CDH20: variants seen among roughly 807,000 people sequenced by gnomAD.
CDH20 encodes cadherin 20, also known as cadherin-20.
CDH20 carries 29 observed loss-of-function variants against 74.2 expected under a neutral mutation model. The ratio of observed to expected loss-of-function variants is 0.39; its 90% CI spans 0.29 to 0.53. CDH20 has a LOEUF of 0.53. Ranked by LOEUF, CDH20 falls within the 20% of genes least tolerant of loss-of-function variation. The pLI is 0.69. For missense variants in CDH20, 988 were observed against 1,048.3 expected (o/e 0.94, Z 0.79); for synonymous variants, 469 against 405.4 (o/e 1.16, Z -1.88).
At chr18:61,446,165 A>G (rs73449405) in intron 1 of CDH20, among the ~76,000 whole-genome samples, 2,357 of 152,326 alleles carry the variant, frequency 0.015, 62 homozygotes, top group African/African-American at 0.053. Flanking sequence ...GGAGAAGGAA[A>G]TTACACTATA....
Position 61,503,111 on chromosome 18 carries a change from T to C in CDH20, c.820T>C (p.Phe274Leu). 1 of 1,607,502 alleles carries C rather than the reference T, an allele frequency of 6.2e-7. No individual in the cohort carries two copies. The highest frequency in any genetic ancestry group is 8.5e-7 in the Non-Finnish European group (1 of 1,176,890). The change falls in exon 5 of 12, where the codon TTT becomes CTT. Residue 274 changes from phenylalanine (F) to leucine (L), a missense_variant. Around this residue, in one of 2 missense-constraint regions of CDH20, gnomAD observed 613 missense variants for 755.2 expected, o/e 0.81. Transcript: ENST00000262717. ...AGATGTCAATGATAACCCACCCCGCTTTCCCCAGAGTGAGTACCTAACCCA... is the reference window on the plus strand; with the variant it reads ...AGATGTCAATGATAACCCACCCCGCCTTCCCCAGAGTGAGTACCTAACCCA... ...LSDVNDNPPR[F>L]PQKHYQMSVL...
At chr18:61,471,620 G>A (rs560481804) in intron 1 of CDH20, among the ~76,000 whole-genome samples, 11 of 152,262 alleles carry the variant, frequency 7.2e-5, no homozygotes, top group South Asian at 6.2e-4. Context: ...AACTCCACAC[G>A]TAGAAGCAAA....
chr18:61,379,038 T>C (rs1167142071), intron 1 of CDH20, among the ~76,000 whole-genome samples: 1 of 152,104 alleles, frequency 6.6e-6, no homozygotes, highest in Admixed American at 6.6e-5. Context: ...AAATATGATA[T>C]AAAAATAAAA....
chr18:61,334,036 G>A (rs1490683208), intron 1 of CDH20, among the ~76,000 whole-genome samples: 2 of 152,182 alleles, frequency 1.3e-5, no homozygotes, highest in Non-Finnish European at 2.9e-5. Flanking sequence ...GTTGGAAATG[G>A]GCTGCCGGGA....
At chr18:61,420,063 A>G (rs1465267293) in intron 1 of CDH20, among the ~76,000 whole-genome samples, 2 of 152,160 alleles carry the variant, frequency 1.3e-5, no homozygotes, top group Non-Finnish European at 2.9e-5. Context: ...TTTGGTAGTG[A>G]CCTCACAATA....
chr18:61,510,367 C>T (rs1209177926), intron 6 of CDH20, among the ~76,000 whole-genome samples: 1 of 152,164 alleles, frequency 6.6e-6, no homozygotes, highest in Non-Finnish European at 1.5e-5. Flanking sequence ...ATGGAGTGAT[C>T]ACCTGTGACA....
intron 1 of CDH20, among the ~76,000 whole-genome samples, chr18:61,463,010 T>C (rs1219377259): frequency 2.6e-5 from 4 of 152,238 alleles, no homozygotes; most frequent in African/African-American, 9.6e-5. Context: ...ATTCAACATA[T>C]TGTAGTAAAC....
chr18:61,504,808 C>G (rs977197190), intron 5 of CDH20, among the ~76,000 whole-genome samples: 8 of 152,200 alleles, frequency 5.3e-5, no homozygotes, highest in African/African-American at 1.9e-4. Flanking sequence ...TCCCTTGTAT[C>G]TATGTAAACA....
intron 2 of CDH20, among the ~76,000 whole-genome samples, chr18:61,493,150 T>A (rs535165764): frequency 1.3e-5 from 2 of 152,336 alleles, no homozygotes; most frequent in South Asian, 4.1e-4. Flanking sequence ...AACCTGTGAC[T>A]TTTCATTGAC....
Position 61,400,365 on chromosome 18 carries a change from T to C in CDH20, c.-153+66538T>C, listed in dbSNP as rs535242033. ...ATACTGCTTAACTTGGGGGCAGATG[T>C]GATTAGTGAGATAACAGTCAATCTG... On this transcript the variant is annotated intron_variant, in intron 1 of 11. Coordinates refer to ENST00000262717, the MANE Select transcript of CDH20 (RefSeq NM_031891.4). Among the ~76,000 whole-genome samples, 112 of 152,340 alleles carry C rather than the reference T, an allele frequency of 7.4e-4. 1 individual carries two copies. The highest frequency in any genetic ancestry group is 2.0e-3 in the Admixed American group (30 of 15,300).
chr18:61,384,835 A>C (rs1911542996), intron 1 of CDH20, among the ~76,000 whole-genome samples: 1 of 152,230 alleles, frequency 6.6e-6, no homozygotes, highest in Admixed American at 6.5e-5. Context: ...TCAATACAAG[A>C]ATATCTATTA....
intron 1 of CDH20, among the ~76,000 whole-genome samples, chr18:61,468,684 G>A (rs1227669425): frequency 6.6e-6 from 1 of 152,046 alleles, no homozygotes; most frequent in Admixed American, 6.5e-5. Flanking sequence ...CAGGGAACTC[G>A]CCTTACTGTA....
intron 1 of CDH20, among the ~76,000 whole-genome samples, chr18:61,419,060 G>A (rs945449006): frequency 2.0e-5 from 3 of 151,892 alleles, no homozygotes; most frequent in African/African-American, 7.3e-5. Flanking sequence ...ATTATGATAC[G>A]CCCTTAGGGT....
chr18:61,539,992 T>C (rs1308954261), intron 9 of CDH20, among the ~76,000 whole-genome samples: 1 of 152,228 alleles, frequency 6.6e-6, no homozygotes, highest in African/African-American at 2.4e-5. Flanking sequence ...ATTTAGTTGA[T>C]CAAATTCTAA....
At chr18:61,544,269 A>C (rs1267847833) in intron 9 of CDH20, among the ~76,000 whole-genome samples, 2 of 152,212 alleles carry the variant, frequency 1.3e-5, no homozygotes, top group African/African-American at 2.4e-5. Flanking sequence ...CTCTGGCCCA[A>C]AGGCAGCGTC....
At chr18:61,376,934 T>A (rs187351194) in intron 1 of CDH20, among the ~76,000 whole-genome samples, 1 of 152,234 alleles carries the variant, frequency 6.6e-6, no homozygotes, top group East Asian at 1.9e-4. Flanking sequence ...TCTTCTGCTG[T>A]TTCATTAAGA....
At chr18:61,540,461 C>T (rs952756807) in intron 9 of CDH20, among the ~76,000 whole-genome samples, 3 of 152,128 alleles carry the variant, frequency 2.0e-5, no homozygotes, top group Admixed American at 1.3e-4. Context: ...GCCTCACAAT[C>T]ACGGTGGAAG....
intron 1 of CDH20, among the ~76,000 whole-genome samples, chr18:61,487,073 C>T (rs1910793007): frequency 6.6e-6 from 1 of 152,174 alleles, no homozygotes; most frequent in African/African-American, 2.4e-5. Context: ...AAGCTGTTTT[C>T]TTTCTTTAGG....
chr18:61,436,239 C>T (rs1016622191), intron 1 of CDH20, among the ~76,000 whole-genome samples: 3 of 151,888 alleles, frequency 2.0e-5, no homozygotes, highest in African/African-American at 7.3e-5. Context: ...CATTCACATA[C>T]AAGATTTTGT....
Sources: gnomAD v4.1 joint callset for allele counts (sites outside exome capture counted in the v4.1 genomes callset) on GRCh38, gnomAD v4.1.1 for gene constraint, gnomAD v4.1.1 regional missense constraint, MANE v1.5 for transcripts, NCBI Gene and HGNC (gene_info 2026-07-23, HGNC 2026-07-21) for gene names.